IFT46: variants seen among roughly 807,000 people sequenced by gnomAD.
IFT46 encodes the protein intraflagellar transport protein 46 homolog.
In IFT46, 19 loss-of-function variants were observed where a neutral mutation model predicts 39.6. The observed-to-expected ratio is 0.48, with a 90% CI of 0.33 to 0.70. The LOEUF is 0.70. Ranked by LOEUF, IFT46 falls within the 30% of genes least tolerant of loss-of-function variation. The pLI is 0.01. For missense variants in IFT46, 334 were observed against 364.8 expected (o/e 0.92, Z 0.69); for synonymous variants, 117 against 134.8 (o/e 0.87, Z 0.91).
At chr11:118,574,567 C>G (rs1555073107), upstream of IFT46, among the ~76,000 whole-genome samples, 1 of 151,720 alleles carries the variant, frequency 6.6e-6, no homozygotes, top group African/African-American at 2.4e-5. Flanking sequence ...ATATACATTT[C>G]AAAGTAAGTT....
At chr11:118,570,638 T>G (rs1938318282), upstream of IFT46, among the ~76,000 whole-genome samples, 1 of 152,220 alleles carries the variant, frequency 6.6e-6, no homozygotes, top group African/African-American at 2.4e-5. Context: ...AGCTATACTC[T>G]GAAAAATCTG....
At chr11:118,566,133 T>G (rs1938220532), upstream of IFT46, 1 of 152,130 alleles carries the variant, frequency 6.6e-6, no homozygotes, top group African/African-American at 2.4e-5. Context: ...GCAACGCGGC[T>G]GATAAATTTC....
chr11:118,568,578 A>G (rs1938276189), upstream of IFT46, among the ~76,000 whole-genome samples: 1 of 152,078 alleles, frequency 6.6e-6, no homozygotes, highest in Admixed American at 6.6e-5. Context: ...ATAAATAAAT[A>G]AATAAAAAGT....
At chr11:118,576,397 T>C (rs1373706194), upstream of IFT46, among the ~76,000 whole-genome samples, 2 of 133,082 alleles carry the variant, frequency 1.5e-5, no homozygotes, top group East Asian at 4.1e-4. Context: ...AAGTTCCTTT[T>C]AGATCTGGAA....
chr11:118,559,885 T>C, intron 2 of IFT46, 21 bp from the exon 3 acceptor site: 8 of 1,344,360 alleles, frequency 6.0e-6, no homozygotes, highest in Non-Finnish European at 8.5e-6. Context: ...AAGTTTTTCC[T>C]TTAGATTATT....
chr11:118,546,351 T>C, intron 9 of IFT46: 1 of 566,014 alleles, frequency 1.8e-6, no homozygotes. Flanking sequence ...ATTAGCCGGG[T>C]GTGGTGTTGA....
intron 2 of IFT46, chr11:118,560,401 G>A (rs113907001): frequency 4.0e-4 from 66 of 165,078 alleles, no homozygotes; most frequent in Non-Finnish European, 4.5e-4. Context: ...ACTCCAGCCC[G>A]GGCAACAGAG....
chr11:118,564,439 G>A (rs1197340352), intron 2 of IFT46, among the ~76,000 whole-genome samples: 2 of 152,014 alleles, frequency 1.3e-5, no homozygotes, highest in Non-Finnish European at 2.9e-5. Context: ...GGCCAGACAC[G>A]ATGGCTCACA....
At chr11:118,574,963 A>G (rs1274735971), upstream of IFT46, among the ~76,000 whole-genome samples, 2 of 151,792 alleles carry the variant, frequency 1.3e-5, no homozygotes, top group Admixed American at 6.6e-5. Context: ...TAATGAGAAC[A>G]TGTTCTGACT....
In IFT46 at chr11:118,544,642, A is replaced by C. The variant is rs1951631816; in HGVS notation, c.*274T>G. 1 of 387,294 alleles carries C rather than the reference A, an allele frequency of 2.6e-6. No homozygotes were observed. Among genetic ancestry groups the C allele is most frequent in the African/African-American group, 2.0e-5 (1 of 48,806 alleles). The allele number at this position is 387,294 out of a possible 1,614,324, so 24.0% of individuals were successfully genotyped here. A position where few individuals can be genotyped will look rare whatever the true frequency, so the allele number is the denominator to read the frequency against. On this transcript the variant is annotated 3_prime_UTR_variant, in exon 12 of 12. Coordinates refer to ENST00000264021, the MANE Select transcript of IFT46 (RefSeq NM_001168618.2). ...ATCTTTTAAGCTTTCCTCCCAATCT[A>C]ACCTCCATGGGATCTCAGAAATTCC...
chr11:118,572,570 C>T (rs1555072636), intron 1 of IFT46: 1 of 1,606,160 alleles, frequency 6.2e-7, no homozygotes. Flanking sequence ...GAGCCAGGAC[C>T]CGAACTCCTG....
upstream of IFT46, among the ~76,000 whole-genome samples, chr11:118,576,760 T>C (rs1282915541): frequency 2.6e-5 from 4 of 152,192 alleles, no homozygotes; most frequent in Non-Finnish European, 5.9e-5. Context: ...CGGAGATTTA[T>C]GCTATACTTA....
chr11:118,564,561 A>G (rs547865887), intron 2 of IFT46, among the ~76,000 whole-genome samples: 2 of 152,192 alleles, frequency 1.3e-5, no homozygotes, highest in Non-Finnish European at 2.9e-5. Flanking sequence ...ATTAAGAAAA[A>G]AAAGTTTGTT....
chr11:118,569,706 T>C (rs1172720581), upstream of IFT46, among the ~76,000 whole-genome samples: 2 of 152,150 alleles, frequency 1.3e-5, no homozygotes, highest in African/African-American at 2.4e-5. Context: ...GATTTCCTCA[T>C]GTGTAAAATG....
rs1937868220 is a variant in IFT46 at position 118,557,130 on chromosome 11, T to C, written c.46-85A>G. The C allele has an allele frequency of 3.1e-5, 38 of 1,222,306 alleles. No homozygotes were observed. In the South Asian group the frequency reaches 9.3e-4, roughly 30 times the overall value. The allele number at this position is 1,222,306 out of a possible 1,614,324, so 75.7% of individuals were successfully genotyped here. A position where few individuals can be genotyped will look rare whatever the true frequency, so the allele number is the denominator to read the frequency against. On this transcript the variant is annotated intron_variant, in intron 3 of 11. Transcript: ENST00000264021. ...CCCAGTTCTCTATTGCTCTAACCAA[T>C]ACACCAACCACCTGGCACCTCGTCA... is the stretch of plus-strand genomic sequence containing the variant.
chr11:118,549,287 C>T (rs2135481493), intron 9 of IFT46, among the ~76,000 whole-genome samples: 1 of 151,652 alleles, frequency 6.6e-6, no homozygotes, highest in South Asian at 2.1e-4. Context: ...GTGATCGTCC[C>T]ACCTCAGCCT....
intron 9 of IFT46, among the ~76,000 whole-genome samples, chr11:118,550,078 G>C (rs1176092998): frequency 2.0e-5 from 3 of 151,804 alleles, no homozygotes; most frequent in Non-Finnish European, 4.4e-5. Context: ...GGGATTACAG[G>C]CACACACCAC....
chr11:118,557,959 CT>C, intron 3 of IFT46: 1 of 1,361,214 alleles, frequency 7.3e-7, no homozygotes, highest in Non-Finnish European at 1.0e-6. Context: ...TACCGTATGG[CT>C]TATACTGAGG....
chr11:118,548,610 G>A lies in IFT46; in HGVS notation c.673-2757C>T, dbSNP rs1013977048. 1.6e-4 allele frequency among the ~76,000 whole-genome samples: 24 copies of A among 150,694 alleles called. 1 individual carries two copies. The highest frequency in any genetic ancestry group is 2.2e-4 in the Non-Finnish European group (15 of 67,578). Reference sequence around the variant, plus strand: ...GATCTCTTGACCTCACGATCCGCCCGCCTCGGCCTCCCAAAGTGCTGGGAT... The same window carrying A: ...GATCTCTTGACCTCACGATCCGCCCACCTCGGCCTCCCAAAGTGCTGGGAT... On this transcript the variant is annotated intron_variant, in intron 9 of 11. Transcript: ENST00000264021.
Sources: allele counts gnomAD v4.1 joint callset (sites outside exome capture counted in the v4.1 genomes callset), GRCh38; gene constraint gnomAD v4.1.1; transcripts MANE v1.5; gene names NCBI Gene and HGNC (gene_info 2026-07-23, HGNC 2026-07-21).